CCDC170: variants seen among roughly 807,000 people sequenced by gnomAD.
CCDC170 encodes the protein coiled-coil domain-containing protein 170.
CCDC170 carries 69 observed loss-of-function variants against 72.6 expected under a neutral mutation model. The observed-to-expected ratio is 0.95, with a 90% CI of 0.78 to 1.16. The LOEUF (loss-of-function observed/expected upper bound fraction) is 1.16. Ranked by LOEUF, CCDC170 falls within the 50% of genes most tolerant of loss-of-function variation. The pLI is 0.00. For synonymous variants in CCDC170, 300 were observed against 303.9 expected, an observed-to-expected ratio of 0.99 and a Z score of 0.13; for missense variants, 852 against 832.5, an observed-to-expected ratio of 1.02 and a Z score of -0.29.
intron 1 of CCDC170, among the ~76,000 whole-genome samples, chr6:151,532,788 C>T (rs1040506745): frequency 1.3e-5 from 2 of 152,104 alleles, no homozygotes; most frequent in African/African-American, 4.8e-5. Context: ...TTTTGAATTT[C>T]ATATGGGAAA....
At chr6:151,506,883 T>C (rs1212459866) in intron 1 of CCDC170, among the ~76,000 whole-genome samples, 1 of 152,174 alleles carries the variant, frequency 6.6e-6, no homozygotes, top group Non-Finnish European at 1.5e-5. Context: ...CCACAATCCC[T>C]TTAGACTTGA....
intron 1 of CCDC170, among the ~76,000 whole-genome samples, chr6:151,517,166 C>A (rs1443245017): frequency 6.6e-6 from 1 of 152,090 alleles, no homozygotes; most frequent in East Asian, 1.9e-4. Flanking sequence ...GAAACTGTCT[C>A]TACTAAAAAT....
intron 4 of CCDC170, among the ~76,000 whole-genome samples, chr6:151,547,063 G>A (rs1016203357): frequency 2.0e-5 from 3 of 151,796 alleles, no homozygotes; most frequent in Admixed American, 6.6e-5. Flanking sequence ...AGCCTCATTA[G>A]GTGTTCCTCC....
Position 151,618,387 on chromosome 6 carries a change from T to C in CCDC170, c.*240T>C. On this transcript the variant is annotated 3_prime_UTR_variant, in exon 11 of 11. Transcript: ENST00000239374. ...TAGGATCCAGAAGAATTCCACCAGA[T>C]TGCATGAGTTAGATTGGGAAATGGG... 1 of 492,676 alleles carries C rather than the reference T, an allele frequency of 2.0e-6. No homozygotes were observed. Among genetic ancestry groups the C allele is most frequent in the South Asian group, 3.0e-5 (1 of 33,368 alleles). 30.5% of individuals were successfully genotyped at this position (492,676 alleles called of 1,614,324 possible).
chr6:151,495,684 C>A (rs1172496518), intron 1 of CCDC170, among the ~76,000 whole-genome samples: 1 of 152,106 alleles, frequency 6.6e-6, no homozygotes, highest in Non-Finnish European at 1.5e-5. Flanking sequence ...TTTGCAGAGG[C>A]AGAGTTTTAT....
intron 9 of CCDC170, among the ~76,000 whole-genome samples, chr6:151,598,995 T>C (rs756654581): frequency 1.8e-4 from 28 of 152,088 alleles, no homozygotes; most frequent in Admixed American, 1.4e-3. Context: ...TTAGAGAGAA[T>C]AAAGGGCCTT....
Position 151,586,004 on chromosome 6 carries a change from C to T in CCDC170, c.1208C>T (p.Thr403Ile), listed in dbSNP as rs571744670. ...RAQKAENMLETLQGQLTHLEA... is the reference protein window; with the variant it reads ...RAQKAENMLEILQGQLTHLEA... The stretch of plus-strand genomic sequence containing the variant: ...CAGAAAGCAGAGAATATGTTGGAGA[C>T]TCTTCAGGGTCAGCTGACACACCTG... The change falls in exon 7 of 11, where the codon ACT becomes ATT. Residue 403 changes from threonine to isoleucine, a missense_variant. Transcript: ENST00000239374. 3.1e-6 allele frequency: 5 copies of T among 1,614,186 alleles called. No homozygotes were observed. The South Asian group carries it at 4.4e-5, about 14-fold the overall frequency.
rs1554221942 is a variant in CCDC170 at position 151,548,399 on chromosome 6, C to G, written c.684C>G (p.Ser228Arg). 1 of 1,612,682 alleles carries G rather than the reference C, an allele frequency of 6.2e-7. No homozygotes were observed. Among genetic ancestry groups the G allele is most frequent in the Non-Finnish European group, 8.5e-7 (1 of 1,179,100 alleles). ...TCCATGAGATGGAAGCAAAAGCTAG[C>G]AGAGAAACGATCATGAGGCTGGCTT... ...INVHEMEAKA[S>R]RETIMRLASE... Residue 228 changes from serine to arginine, a missense_variant, in exon 5 of 11, where the codon AGC becomes AGG. Coordinates refer to ENST00000239374, the MANE Select transcript of CCDC170 (RefSeq NM_025059.4).
At chr6:151,528,626 A>T (rs1782446520) in intron 1 of CCDC170, among the ~76,000 whole-genome samples, 1 of 152,082 alleles carries the variant, frequency 6.6e-6, no homozygotes, top group Admixed American at 6.6e-5. Context: ...CGAGTGGATC[A>T]GTTGAGTTCA....
At chr6:151,494,560 A>C (rs1781881712) in intron 1 of CCDC170, among the ~76,000 whole-genome samples, 1 of 152,184 alleles carries the variant, frequency 6.6e-6, no homozygotes. Flanking sequence ...TTTCTGGAAA[A>C]TCTGATGTGG....
rs1483503742 is a variant in CCDC170, at chr6:151,540,359, T to TTCTTCTGC, written c.443+2060_443+2067dup. The stretch of plus-strand genomic sequence containing the variant: ...TTCCTCTTCCTCCTCCTCCTCCTCC[T>TTCTTCTGC]TCTTCTGCTGCTGCTTTTTTTTTTT... On this transcript the variant is annotated intron_variant, in intron 3 of 10. Transcript: ENST00000239374. Among the ~76,000 whole-genome samples, 38 of 132,842 alleles carry TTCTTCTGC rather than the reference T, an allele frequency of 2.9e-4. 1 individual carries two copies. Among genetic ancestry groups the TTCTTCTGC allele is most frequent in the African/African-American group, 9.1e-4 (32 of 34,982 alleles). The allele number at this position is 132,842 out of a possible 152,430, so 87.1% of individuals were successfully genotyped here.
intron 1 of CCDC170, among the ~76,000 whole-genome samples, chr6:151,523,420 C>G (rs1241837403): frequency 6.6e-6 from 1 of 152,142 alleles, no homozygotes; most frequent in Non-Finnish European, 1.5e-5. Flanking sequence ...GGCATGGTGG[C>G]TCACGCCTGT....
At chr6:151,570,825 T>G (rs1776208184) in intron 5 of CCDC170, among the ~76,000 whole-genome samples, 1 of 152,236 alleles carries the variant, frequency 6.6e-6, no homozygotes, top group Non-Finnish European at 1.5e-5. Flanking sequence ...TGTCCTTGAC[T>G]CTACTTTTAA....
intron 1 of CCDC170, among the ~76,000 whole-genome samples, chr6:151,525,553 CCCT>C (rs1419258929): frequency 6.6e-6 from 1 of 152,202 alleles, no homozygotes; most frequent in East Asian, 1.9e-4. Flanking sequence ...ATTCTCCCCA[CCCT>C]TGAGAATGTA....
At chr6:151,527,908 C>T (rs191874703) in intron 1 of CCDC170, among the ~76,000 whole-genome samples, 4 of 152,056 alleles carry the variant, frequency 2.6e-5, no homozygotes, top group East Asian at 3.9e-4. Flanking sequence ...TTTTTTCGTC[C>T]GTGGGATAAT....
chr6:151,508,121 A>G (rs1268148421), intron 1 of CCDC170, among the ~76,000 whole-genome samples: 3 of 152,174 alleles, frequency 2.0e-5, no homozygotes, highest in Admixed American at 6.5e-5. Context: ...GCACTAGAGC[A>G]TTGCTCTTTT....
intron 5 of CCDC170, among the ~76,000 whole-genome samples, chr6:151,550,600 A>T (rs1782862760): frequency 6.6e-6 from 1 of 152,148 alleles, no homozygotes; most frequent in Non-Finnish European, 1.5e-5. Flanking sequence ...CAATGCCCTC[A>T]TTGTCAGCTT....
chr6:151,541,624 A>G (rs915579663), intron 3 of CCDC170, among the ~76,000 whole-genome samples: 1 of 152,046 alleles, frequency 6.6e-6, no homozygotes, highest in Admixed American at 6.6e-5. Flanking sequence ...TAATAAAAAC[A>G]CTATATGCAT....
rs574032698 is a variant in CCDC170 at position 151,552,394 on chromosome 6, A to G, written c.774+3905A>G. 2.5e-4 allele frequency among the ~76,000 whole-genome samples: 38 copies of G among 152,148 alleles called. 1 individual carries two copies. Among genetic ancestry groups the G allele is most frequent in the Admixed American group, 1.7e-3 (26 of 15,282 alleles). On this transcript the variant is annotated intron_variant, in intron 5 of 10. Transcript: ENST00000239374. ...CTGTTCCCTCTGACTTTACCTAGTG[A>G]TGTTAGCATACGCCGATTCTTGTCT...
Sources: allele counts gnomAD v4.1 joint callset (sites outside exome capture counted in the v4.1 genomes callset), GRCh38; gene constraint gnomAD v4.1.1; transcripts MANE v1.5; gene names NCBI Gene and HGNC (gene_info 2026-07-23, HGNC 2026-07-21).